The following FAM81A variants were observed in gnomAD, a reference collection of about 807,000 sequenced individuals.
FAM81A encodes the protein family with sequence similarity 81 member A.
FAM81A carries 19 observed loss-of-function variants against 46.7 expected under a neutral mutation model. The observed-to-expected ratio is 0.41, with a 90% CI of 0.28 to 0.60. FAM81A has a LOEUF of 0.60. FAM81A is among the 20% of genes least tolerant of loss of function. The pLI is 0.34. For synonymous variants in FAM81A, 183 were observed against 152.9 expected (o/e 1.20, Z -1.45); for missense variants, 377 against 453.5 (o/e 0.83, Z 1.53).
chr15:59,521,364 G>C lies in FAM81A; in HGVS notation c.1093G>C (p.Glu365Gln). The change falls in exon 9 of 9, where the codon GAG becomes CAG. Residue 365 changes from glutamate (E) to glutamine (Q), a missense_variant. Glu to Gln is a conservative substitution (Grantham distance 29, BLOSUM62 2). Transcript: ENST00000288228. ...GCAAATCCAGCTGATGCAGAAGCCA[G>C]AGACCCCCATGTGAAGGGAGCTGGG... The part of the protein sequence containing the change: ...QKQIQLMQKP[E>Q]TPM 1 of 1,611,182 alleles carries C rather than the reference G, an allele frequency of 6.2e-7. No homozygotes were observed. Among genetic ancestry groups the C allele is most frequent in the Non-Finnish European group, 8.5e-7 (1 of 1,178,466 alleles).
At chr15:59,463,527 A>G (rs1218571368) in intron 3 of FAM81A, among the ~76,000 whole-genome samples, 1 of 152,028 alleles carries the variant, frequency 6.6e-6, no homozygotes, top group Admixed American at 6.6e-5. Context: ...AGTGACTTTG[A>G]TAGAGATTGC....
In FAM81A at chr15:59,521,484, C is replaced by T. The variant is rs561087272; in HGVS notation, c.*106C>T. On this transcript the variant is annotated 3_prime_UTR_variant, in exon 9 of 9. Transcript: ENST00000288228. ...GCATTCAGGATTGTTCCATCCATGG[C>T]GTGCATGTGCCAAGAAATGTGTTTT... 4.9e-5 allele frequency: 65 copies of T among 1,314,262 alleles called. No homozygotes were observed. The highest frequency in any genetic ancestry group is 4.7e-4 in the East Asian group (17 of 36,192). The allele number at this position is 1,314,262 out of a possible 1,614,324, so 81.4% of individuals were successfully genotyped here.
At chr15:59,511,760 C>T (rs562338417) in intron 6 of FAM81A, among the ~76,000 whole-genome samples, 1 of 152,316 alleles carries the variant, frequency 6.6e-6, no homozygotes, top group African/African-American at 2.4e-5. Flanking sequence ...CAGCGATTCT[C>T]CTGCCTCAGC....
intron 6 of FAM81A, among the ~76,000 whole-genome samples, chr15:59,512,691 A>G (rs916891789): frequency 1.8e-4 from 28 of 152,074 alleles, no homozygotes; most frequent in Non-Finnish European, 7.4e-5. Flanking sequence ...GGTACAGGCT[A>G]GCTTCCATGC....
At chr15:59,503,580 A>T (rs185021567) in intron 4 of FAM81A, among the ~76,000 whole-genome samples, 1,692 of 145,608 alleles carry the variant, frequency 0.012, 31 homozygotes, top group African/African-American at 0.039. Context: ...TTTAGCCACT[A>T]TTTTTTTTTT....
At chr15:59,512,783 T>C (rs1445359574) in intron 6 of FAM81A, among the ~76,000 whole-genome samples, 2 of 152,258 alleles carry the variant, frequency 1.3e-5, no homozygotes, top group Admixed American at 6.5e-5. Context: ...TTTCCAAGGC[T>C]CCAGTCCTCG....
intron 3 of FAM81A, among the ~76,000 whole-genome samples, chr15:59,485,534 T>C (rs1420583711): frequency 2.6e-5 from 4 of 152,234 alleles, no homozygotes; most frequent in Middle Eastern, 3.2e-3. Context: ...CTTCTACAAG[T>C]ATGCAAGAAC....
At chr15:59,413,120 A>C (rs1275937629) in intron 2 of FAM81A, among the ~76,000 whole-genome samples, 2 of 152,020 alleles carry the variant, frequency 1.3e-5, no homozygotes, top group Non-Finnish European at 2.9e-5. Flanking sequence ...CAGGTCAGTC[A>C]CGTGGCAAAG....
At chr15:59,509,112 C>A in intron 6 of FAM81A, 143 bp downstream of exon 6, 1 of 618,186 alleles carries the variant, frequency 1.6e-6, no homozygotes, top group Non-Finnish European at 2.7e-6. Flanking sequence ...TTCCTTGTAT[C>A]ATGTTGCCAC....
exon 2 of FAM81A, chr15:59,402,306 A>C (rs7174474): frequency 0.6 from 92,981 of 155,994 alleles, 29,883 homozygotes; most frequent in Non-Finnish European, 0.72. Flanking sequence ...CAACTCCAGC[A>C]AGGATCTGAA....
chr15:59,426,319 C>A (rs11855852), intron 2 of FAM81A, among the ~76,000 whole-genome samples: 1 of 152,004 alleles, frequency 6.6e-6, no homozygotes, highest in Non-Finnish European at 1.5e-5. Context: ...AAGAAATACA[C>A]GTACTGACCA....
At chr15:59,489,637 A>G (rs1359922762) in intron 3 of FAM81A, among the ~76,000 whole-genome samples, 1 of 152,328 alleles carries the variant, frequency 6.6e-6, no homozygotes, top group African/African-American at 2.4e-5. Context: ...GAGAGGTCAC[A>G]TTACCTGACT....
chr15:59,412,347 C>T lies in FAM81A; in HGVS notation c.-78+9989C>T, dbSNP rs190894131. Among the ~76,000 whole-genome samples the T allele has an allele frequency of 5.9e-5, 9 of 152,282 alleles. No homozygotes were observed. In the South Asian group the frequency reaches 1.2e-3, roughly 21 times the overall value. ...AAAGACTTGCTGTAAAGCAGTTATT[C>T]ATGAAGGAGAAACTTTCTTCAGTCA... On this transcript the variant is annotated intron_variant, in intron 2 of 4. Coordinates refer to the FAM81A transcript ENST00000558348.
At chr15:59,482,208 A>G (rs1411155392) in intron 3 of FAM81A, among the ~76,000 whole-genome samples, 1 of 151,946 alleles carries the variant, frequency 6.6e-6, no homozygotes, top group East Asian at 1.9e-4. Flanking sequence ...TTGCTTAGAG[A>G]TTGAAAAACA....
In FAM81A at chr15:59,480,873, T is replaced by C. The variant is rs117940914; in HGVS notation, c.295-11398T>C. On this transcript the variant is annotated intron_variant, in intron 3 of 8. Coordinates refer to ENST00000288228, the MANE Select transcript of FAM81A (RefSeq NM_152450.3). ...TTTTCTAAGTTTTCATTCTAGAATGTATTTAAGTAATAAGCCGTCTAACAC... is the reference window on the plus strand; with the variant it reads ...TTTTCTAAGTTTTCATTCTAGAATGCATTTAAGTAATAAGCCGTCTAACAC... 4.7e-3 allele frequency among the ~76,000 whole-genome samples: 715 copies of C among 152,368 alleles called. 7 individuals are homozygous for C. The highest frequency in any genetic ancestry group is 0.032 in the South Asian group (154 of 4,830).
intron 2 of FAM81A, chr15:59,408,975 C>T (rs1180239375): frequency 6.6e-6 from 1 of 152,216 alleles, no homozygotes; most frequent in Non-Finnish European, 1.5e-5. Flanking sequence ...ACACCTTGTT[C>T]TCTTTCCCTA....
At chr15:59,399,633 TGAA>T (rs1455616246) in intron 1 of FAM81A, among the ~76,000 whole-genome samples, 4 of 152,088 alleles carry the variant, frequency 2.6e-5, no homozygotes, top group African/African-American at 7.2e-5. Flanking sequence ...GCCACAAGAA[TGAA>T]GAAGTGTGCT....
At chr15:59,452,366 G>A (rs2081429393) in intron 1 of FAM81A, among the ~76,000 whole-genome samples, 1 of 152,218 alleles carries the variant, frequency 6.6e-6, no homozygotes, top group Non-Finnish European at 1.5e-5. Context: ...GGTGATGTAG[G>A]CTGAGCGTAG....
At chr15:59,487,253 A>G (rs1351766071) in intron 3 of FAM81A, among the ~76,000 whole-genome samples, 1 of 144,038 alleles carries the variant, frequency 6.9e-6, no homozygotes, top group Non-Finnish European at 1.5e-5. Context: ...ATATTAGTAT[A>G]GAGTTTTTTA....
Sources: gnomAD v4.1 joint callset for allele counts (sites outside exome capture counted in the v4.1 genomes callset) on GRCh38, gnomAD v4.1.1 for gene constraint, MANE v1.5 for transcripts, NCBI Gene and HGNC (gene_info 2026-07-23, HGNC 2026-07-21) for gene names.